The following AKNA variants were observed in gnomAD, a reference collection of about 807,000 sequenced individuals.
AKNA encodes microtubule organization protein AKNA.
A neutral mutation model predicts 138.8 loss-of-function variants in AKNA; 67 were observed. The ratio of observed to expected loss-of-function variants is 0.48; its 90% CI spans 0.40 to 0.59. The LOEUF is 0.59. AKNA is among the 20% of genes least tolerant of loss of function. The pLI, the probability that AKNA is intolerant of heterozygous loss-of-function variation, is 0.00. For synonymous variants in AKNA, 737 were observed against 754.4 expected (o/e 0.98, Z 0.38); for missense variants, 1,813 against 1,880.4 (o/e 0.96, Z 0.66).
At chr9:114,331,953 G>A (rs771061387), downstream of AKNA, 6 of 1,605,940 alleles carry the variant, frequency 3.7e-6, no homozygotes, top group Non-Finnish European at 5.1e-6. Context: ...ATTGGACAGT[G>A]CCCACCTTGT....
At chr9:114,346,895 G>C in intron 16 of AKNA, 111 bp from the exon 17 acceptor site, 1 of 889,798 alleles carries the variant, frequency 1.1e-6, no homozygotes. Context: ...ATGGAAGGAA[G>C]AGAGTATAGA....
chr9:114,379,355 A>G (rs1424901286), intron 2 of AKNA, among the ~76,000 whole-genome samples: 1 of 152,270 alleles, frequency 6.6e-6, no homozygotes, highest in Non-Finnish European at 1.5e-5. Context: ...TGCCTGGCAC[A>G]TAGTAAAGGC....
intron 15 of AKNA, among the ~76,000 whole-genome samples, chr9:114,349,234 G>A (rs1830931175): frequency 6.6e-6 from 1 of 152,190 alleles, no homozygotes; most frequent in South Asian, 2.1e-4. Flanking sequence ...GGGTATCTCA[G>A]TCTCTCTGAT....
At chr9:114,350,825 G>A in intron 15 of AKNA, 34 bp downstream of exon 15, 1 of 1,520,892 alleles carries the variant, frequency 6.6e-7, no homozygotes, top group Non-Finnish European at 8.8e-7. Flanking sequence ...TGTATGATGA[G>A]CTTGAATCCC....
At chr9:114,342,196 C>T (rs1830403902) in intron 19 of AKNA, 71 bp from the exon 20 acceptor site, 10 of 1,151,034 alleles carry the variant, frequency 8.7e-6, no homozygotes, top group Non-Finnish European at 8.5e-6. Flanking sequence ...CCCATGCAGG[C>T]CTTCTGCAGC....
chr9:114,382,266 T>A (rs1833739232), intron 1 of AKNA, among the ~76,000 whole-genome samples: 1 of 152,078 alleles, frequency 6.6e-6, no homozygotes, highest in African/African-American at 2.4e-5. Context: ...GGGGTAAGAA[T>A]TCAGATTGAG....
At chr9:114,391,325 T>C (rs1834330581), upstream of AKNA, among the ~76,000 whole-genome samples, 1 of 152,210 alleles carries the variant, frequency 6.6e-6, no homozygotes, top group African/African-American at 2.4e-5. Flanking sequence ...CTAATTGCAA[T>C]TCACAAAGCC....
intron 4 of AKNA, among the ~76,000 whole-genome samples, chr9:114,371,871 G>A (rs1832794580): frequency 6.6e-6 from 1 of 152,128 alleles, no homozygotes; most frequent in Non-Finnish European, 1.5e-5. Flanking sequence ...TGAACTCGTG[G>A]GTTCTGAGCA....
At chr9:114,360,164 G>A in intron 9 of AKNA, 102 bp from the exon 10 acceptor site, 1 of 1,452,160 alleles carries the variant, frequency 6.9e-7, no homozygotes, top group Non-Finnish European at 9.5e-7. Context: ...TGCGGGGTAA[G>A]AAGCACATTA....
chr9:114,337,061 A>T lies in AKNA; in HGVS notation c.4313T>A (p.Leu1438His). ...RQAHSLRGSC[L>H]F is the part of the protein sequence containing the mutation. Reference sequence around the variant, plus strand: ...TCTGGGCCCCCAGTGAAGTCAGAAGAGGCAGGAGCCCCGCAGGCTGTGAGC... The same window carrying T: ...TCTGGGCCCCCAGTGAAGTCAGAAGTGGCAGGAGCCCCGCAGGCTGTGAGC... The change falls in exon 22 of 22, where the codon CTC (leucine) becomes CAC (histidine). Residue 1438 changes from leucine (L) to histidine (H), a missense_variant. Transcript: ENST00000374088. 4.6e-6 allele frequency: 6 copies of T among 1,295,586 alleles called. No homozygotes were observed. Among genetic ancestry groups the T allele is most frequent in the Non-Finnish European group, 5.0e-6 (5 of 990,950 alleles). The allele number at this position is 1,295,586 out of a possible 1,614,324, so 80.3% of individuals were successfully genotyped here.
At chr9:114,385,872 C>T (rs1833996169) in intron 1 of AKNA, among the ~76,000 whole-genome samples, 1 of 152,226 alleles carries the variant, frequency 6.6e-6, no homozygotes, top group Non-Finnish European at 1.5e-5. Context: ...GATAGAGAAG[C>T]AGGCTGGGCA....
intron 4 of AKNA, among the ~76,000 whole-genome samples, chr9:114,370,597 G>A (rs916837236): frequency 6.6e-6 from 1 of 152,170 alleles, no homozygotes; most frequent in Non-Finnish European, 1.5e-5. Context: ...GGTCTCTCTG[G>A]ACACAGCCAG....
At chr9:114,348,455 T>C (rs1264706992) in intron 15 of AKNA, among the ~76,000 whole-genome samples, 1 of 152,196 alleles carries the variant, frequency 6.6e-6, no homozygotes, top group Non-Finnish European at 1.5e-5. Context: ...AGTACTGCAG[T>C]GGATCTGGGC....
intron 9 of AKNA, among the ~76,000 whole-genome samples, chr9:114,361,247 T>C (rs1831934517): frequency 1.3e-5 from 2 of 152,172 alleles, no homozygotes; most frequent in South Asian, 2.1e-4. Flanking sequence ...ACAGGGCCTT[T>C]GCACAAGCTG....
At chr9:114,388,601 CTTG>C (rs1289339830), upstream of AKNA, among the ~76,000 whole-genome samples, 1 of 152,164 alleles carries the variant, frequency 6.6e-6, no homozygotes, top group African/African-American at 2.4e-5. Context: ...TAAACTTTCC[CTTG>C]TTGTAAGAAC....
At chr9:114,352,607 A>T (rs1831205907) in intron 14 of AKNA, among the ~76,000 whole-genome samples, 1 of 151,066 alleles carries the variant, frequency 6.6e-6, no homozygotes, top group Non-Finnish European at 1.5e-5. Flanking sequence ...AAAAAAAAAA[A>T]GTTTAATTAA....
chr9:114,360,525 T>C (rs1381547802), intron 9 of AKNA, among the ~76,000 whole-genome samples: 2 of 152,124 alleles, frequency 1.3e-5, no homozygotes, highest in East Asian at 1.9e-4. Context: ...CCTTAAGATA[T>C]TGTACTCAGG....
chr9:114,386,905 C>G (rs1394630064), intron 1 of AKNA, among the ~76,000 whole-genome samples: 1 of 152,108 alleles, frequency 6.6e-6, no homozygotes, highest in Non-Finnish European at 1.5e-5. Flanking sequence ...CTCCCCGTGC[C>G]CTCTGCAGCC....
chr9:114,384,407 CTAAAAA>C (rs1320094799), intron 1 of AKNA, among the ~76,000 whole-genome samples: 1 of 152,102 alleles, frequency 6.6e-6, no homozygotes, highest in Non-Finnish European at 1.5e-5. Context: ...CCTGTCTCTA[CTAAAAA>C]TAAAAAGGAA....
Sources: allele counts gnomAD v4.1 joint callset (sites outside exome capture counted in the v4.1 genomes callset), GRCh38; gene constraint gnomAD v4.1.1; transcripts MANE v1.5; gene names NCBI Gene and HGNC (gene_info 2026-07-23, HGNC 2026-07-21).